SYT1: variants seen among roughly 807,000 people sequenced by gnomAD.
SYT1 encodes the protein synaptotagmin-1.
Under a neutral mutation model 44.8 loss-of-function variants are expected in SYT1, and 8 were observed. The observed-to-expected ratio is 0.18, with a 90% CI of 0.10 to 0.32. SYT1 has a LOEUF of 0.32. SYT1 is among the 10% of genes least tolerant of loss of function. The probability of loss-of-function intolerance (pLI) is 1.00; values close to 1 mark genes in which losing one functional copy is unlikely to be tolerated. For missense variants in SYT1, 286 were observed against 509.3 expected (o/e 0.56, Z 4.22); for synonymous variants, 154 against 188.8 (o/e 0.82, Z 1.51).
intron 1 of SYT1, among the ~76,000 whole-genome samples, chr12:78,951,527 C>A (rs1463723129): frequency 2.0e-5 from 3 of 151,938 alleles, no homozygotes; most frequent in Admixed American, 6.6e-5. Flanking sequence ...ATTTTGGTTT[C>A]CAGGACAACA....
chr12:79,181,815 C>A (rs1332954872), intron 3 of SYT1, among the ~76,000 whole-genome samples: 1 of 152,048 alleles, frequency 6.6e-6, no homozygotes, highest in Non-Finnish European at 1.5e-5. Flanking sequence ...CACATGAAGA[C>A]CAACAACATC....
intron 4 of SYT1, among the ~76,000 whole-genome samples, chr12:79,225,332 G>A (rs1201999686): frequency 1.3e-5 from 2 of 152,134 alleles, no homozygotes; most frequent in Non-Finnish European, 2.9e-5. Flanking sequence ...AGTTCAAGTT[G>A]ATCTAAGACA....
At chr12:79,114,919 T>A (rs956594915) in intron 3 of SYT1, among the ~76,000 whole-genome samples, 3 of 152,144 alleles carry the variant, frequency 2.0e-5, no homozygotes, top group Admixed American at 6.6e-5. Flanking sequence ...TAAAATGTTT[T>A]AAAAAATGAA....
intron 1 of SYT1, among the ~76,000 whole-genome samples, chr12:78,871,077 C>T (rs532454999): frequency 2.7e-4 from 41 of 152,014 alleles, no homozygotes; most frequent in African/African-American, 8.7e-4. Flanking sequence ...TAACTTAACA[C>T]CTGAGAATAA....
At chr12:79,142,561 A>G (rs1425264450) in intron 3 of SYT1, among the ~76,000 whole-genome samples, 1 of 152,208 alleles carries the variant, frequency 6.6e-6, no homozygotes, top group East Asian at 1.9e-4. Flanking sequence ...CATGCCAAGA[A>G]ACCATCCCTT....
At chr12:79,101,434 A>G (rs771525482) in intron 3 of SYT1, among the ~76,000 whole-genome samples, 3 of 152,204 alleles carry the variant, frequency 2.0e-5, no homozygotes, top group Admixed American at 6.5e-5. Flanking sequence ...TCAAATTCAT[A>G]GAGACAGAAA....
intron 8 of SYT1, among the ~76,000 whole-genome samples, chr12:79,319,362 T>C (rs1416666571): frequency 1.3e-5 from 2 of 152,096 alleles, no homozygotes; most frequent in Non-Finnish European, 2.9e-5. Context: ...TATCCCCAAT[T>C]TATAGGCAAA....
chr12:78,882,927 C>T (rs796497562), intron 1 of SYT1, among the ~76,000 whole-genome samples: 1 of 151,582 alleles, frequency 6.6e-6, no homozygotes, highest in African/African-American at 2.4e-5. Flanking sequence ...TGTGATCTTA[C>T]ATCCTCTGGG....
intron 9 of SYT1, among the ~76,000 whole-genome samples, chr12:79,368,028 A>G (rs1883623626): frequency 6.8e-6 from 1 of 146,978 alleles, no homozygotes; most frequent in Non-Finnish European, 1.5e-5. Context: ...AGCATTAGGT[A>G]TATCTCCTAA....
At chr12:79,198,803 C>T (rs1193933546) in intron 3 of SYT1, among the ~76,000 whole-genome samples, 2 of 152,102 alleles carry the variant, frequency 1.3e-5, no homozygotes, top group Non-Finnish European at 2.9e-5. Flanking sequence ...CTTTTCTTTC[C>T]TTCATTCCTC....
intron 9 of SYT1, among the ~76,000 whole-genome samples, chr12:79,371,773 G>A (rs1192667519): frequency 6.6e-6 from 1 of 152,144 alleles, no homozygotes; most frequent in African/African-American, 2.4e-5. Flanking sequence ...TCAGAGGTTT[G>A]AGATAAAAAG....
At position 79,026,695 on chromosome 12, in the gene SYT1, A is replaced by C. The variant is rs866109549; in HGVS notation, c.-83-20602A>C. Among the ~76,000 whole-genome samples the C allele has an allele frequency of 3.6e-5, 5 of 140,152 alleles. 1 individual carries two copies. In the East Asian group the frequency reaches 6.3e-4, roughly 18 times the overall value. The allele number at this position is 140,152 out of a possible 152,430, so 91.9% of individuals were successfully genotyped here. A position where few individuals can be genotyped will look rare whatever the true frequency, so the allele number is the denominator to read the frequency against. ...TATATATATATATATATATATATAT[A>C]TATATATCACACTTTCATTGTCCAT... On this transcript the variant is annotated intron_variant, in intron 2 of 10. Transcript: ENST00000261205.
At chr12:79,097,833 G>C (rs1878226063) in intron 3 of SYT1, among the ~76,000 whole-genome samples, 1 of 151,998 alleles carries the variant, frequency 6.6e-6, no homozygotes, top group South Asian at 2.1e-4. Flanking sequence ...GACTCCCAAA[G>C]CAACACTGCT....
intron 3 of SYT1, among the ~76,000 whole-genome samples, chr12:79,092,015 T>A (rs113219750): frequency 6.6e-6 from 1 of 151,954 alleles, no homozygotes; most frequent in South Asian, 2.1e-4. Context: ...CTCTTGAGGC[T>A]GGGAAGCCAA....
chr12:78,987,023 A>T (rs1445513949), intron 2 of SYT1, among the ~76,000 whole-genome samples: 1 of 152,054 alleles, frequency 6.6e-6, no homozygotes, highest in Non-Finnish European at 1.5e-5. Flanking sequence ...TATCCAATAA[A>T]GGGCTTATAT....
intron 1 of SYT1, among the ~76,000 whole-genome samples, chr12:78,941,432 C>CACAT (rs1423012154): frequency 7.3e-6 from 1 of 137,450 alleles, no homozygotes; most frequent in Non-Finnish European, 1.6e-5. Context: ...CACACACACA[C>CACAT]ACATTATGTA....
chr12:79,422,919 T>C (rs1306892754), intron 9 of SYT1, among the ~76,000 whole-genome samples: 1 of 152,096 alleles, frequency 6.6e-6, no homozygotes, highest in Admixed American at 6.6e-5. Flanking sequence ...ATGTGGTATC[T>C]TTACCGATAC....
At chr12:79,102,079 C>G (rs1878476793) in intron 3 of SYT1, among the ~76,000 whole-genome samples, 1 of 152,138 alleles carries the variant, frequency 6.6e-6, no homozygotes, top group Admixed American at 6.5e-5. Flanking sequence ...AGAAACCTTG[C>G]ATTTATCGCC....
chr12:79,384,560 A>G (rs527930567), intron 9 of SYT1, among the ~76,000 whole-genome samples: 1 of 152,296 alleles, frequency 6.6e-6, no homozygotes, highest in East Asian at 1.9e-4. Flanking sequence ...CATATTTTAA[A>G]TGACTTTACA....
Sources: allele counts gnomAD v4.1 joint callset (sites outside exome capture counted in the v4.1 genomes callset), GRCh38; gene constraint gnomAD v4.1.1; transcripts MANE v1.5; gene names NCBI Gene and HGNC (gene_info 2026-07-23, HGNC 2026-07-21).